NBAS: variants seen among roughly 807,000 people sequenced by gnomAD.
NBAS encodes the protein NBAS subunit of NRZ tethering complex.
A neutral mutation model predicts 302.5 loss-of-function variants in NBAS; 219 were observed. That is an observed-to-expected ratio of 0.72 (90% CI 0.65 to 0.81). The LOEUF is 0.81. Among genes scored for constraint, NBAS ranks in the 30% least tolerant of loss-of-function variants. The probability of loss-of-function intolerance (pLI) is 0.00; values close to 1 mark genes in which losing one functional copy is unlikely to be tolerated. For missense variants in NBAS, 2,932 were observed against 2,841.6 expected, an observed-to-expected ratio of 1.03 and a Z score of -0.72; for synonymous variants, 1,118 against 1,021.6, an observed-to-expected ratio of 1.09 and a Z score of -1.80.
At chr2:14,841,634 C>T in the NBAS span, among the ~76,000 whole-genome samples, 1 of 151,750 alleles carries the variant, frequency 6.6e-6, no homozygotes, top group East Asian at 1.9e-4. Context: ...GAGGATATAA[C>T]ATTATAAATC....
At chr2:15,129,668 T>A in the NBAS span, among the ~76,000 whole-genome samples, 7 of 152,160 alleles carry the variant, frequency 4.6e-5, no homozygotes, top group Admixed American at 3.3e-4. Context: ...CCCAAACTCT[T>A]TTTTACCACC....
the NBAS span, among the ~76,000 whole-genome samples, chr2:14,932,439 A>G: frequency 7.8e-4 from 119 of 152,362 alleles, no homozygotes; most frequent in Non-Finnish European, 1.4e-3. Context: ...CTTATTTTAT[A>G]GATGAGGACA....
At chr2:14,866,676 T>C in the NBAS span, among the ~76,000 whole-genome samples, 2 of 152,120 alleles carry the variant, frequency 1.3e-5, no homozygotes, top group African/African-American at 4.8e-5. Flanking sequence ...GATTAAAACA[T>C]AATGGTCAAA....
chr2:14,985,693 T>A, the NBAS span, among the ~76,000 whole-genome samples: 1 of 152,202 alleles, frequency 6.6e-6, no homozygotes, highest in South Asian at 2.1e-4. Context: ...TTGGTTTAAA[T>A]GTCTAGAAGC....
the NBAS span, among the ~76,000 whole-genome samples, chr2:15,104,118 G>C: frequency 6.0e-3 from 918 of 152,234 alleles, 11 homozygotes; most frequent in African/African-American, 0.021. Flanking sequence ...TACTGTTTTT[G>C]TGGTAGTGAA....
chr2:15,219,119 C>T (rs1666799180), intron 47 of NBAS, 151 bp from the exon 48 acceptor site: 1 of 754,022 alleles, frequency 1.3e-6, no homozygotes, highest in Non-Finnish European at 2.2e-6. Context: ...TTTTAAATGG[C>T]TTACAGCGAA....
chr2:14,877,858 G>A, the NBAS span, among the ~76,000 whole-genome samples: 4 of 152,102 alleles, frequency 2.6e-5, no homozygotes, highest in African/African-American at 4.8e-5. Flanking sequence ...GAGCTTTCTG[G>A]CTTTATATTT....
At chr2:15,525,230 C>G (rs745984358) in intron 9 of NBAS, among the ~76,000 whole-genome samples, 3 of 152,162 alleles carry the variant, frequency 2.0e-5, no homozygotes, top group Non-Finnish European at 4.4e-5. Flanking sequence ...TGCCAGGTAT[C>G]CCTGACAATG....
chr2:15,387,627 A>G (rs2148394510), intron 28 of NBAS, among the ~76,000 whole-genome samples: 1 of 126,962 alleles, frequency 7.9e-6, no homozygotes, highest in South Asian at 2.6e-4. Flanking sequence ...TAAGTCATTC[A>G]TCTGGAAATT....
intron 51 of NBAS, chr2:15,177,856 C>G (rs926945119): frequency 8.1e-6 from 2 of 246,180 alleles, no homozygotes; most frequent in Admixed American, 9.9e-5. Flanking sequence ...GGCCTTCGTT[C>G]TGATTAATTA....
chr2:15,169,826 T>C (rs1471717409), intron 51 of NBAS, among the ~76,000 whole-genome samples: 1 of 152,220 alleles, frequency 6.6e-6, no homozygotes, highest in Non-Finnish European at 1.5e-5. Flanking sequence ...ATTCTTTCAG[T>C]CTGTGTGGCT....
At chr2:15,155,902 G>A in the NBAS span, among the ~76,000 whole-genome samples, 1 of 152,278 alleles carries the variant, frequency 6.6e-6, no homozygotes, top group Admixed American at 6.5e-5. Flanking sequence ...TCATCACCGG[G>A]TGTTATTCGG....
At chr2:15,089,409 C>T in the NBAS span, among the ~76,000 whole-genome samples, 1 of 152,126 alleles carries the variant, frequency 6.6e-6, no homozygotes. Flanking sequence ...AGACTTGGGG[C>T]CCTATCCAAT....
At chr2:15,496,259 T>C (rs549971673) in intron 11 of NBAS, among the ~76,000 whole-genome samples, 1 of 152,266 alleles carries the variant, frequency 6.6e-6, no homozygotes, top group African/African-American at 2.4e-5. Context: ...ATTCTATTCA[T>C]ATAGAATGTC....
At chr2:15,171,287 G>A (rs921933166) in intron 51 of NBAS, among the ~76,000 whole-genome samples, 3 of 152,086 alleles carry the variant, frequency 2.0e-5, no homozygotes, top group African/African-American at 4.8e-5. Context: ...ACGGTAATTT[G>A]TATGTCATCC....
chr2:15,329,219 C>T lies in NBAS; in HGVS notation c.4348-907G>A, dbSNP rs548574921. On this transcript the variant is annotated intron_variant, in intron 36 of 51. Transcript: ENST00000281513. ...TTATGCCAAGCATAGTCTAGGGAAA[C>T]GATGAAGCTGCTGCTGCAAATGATA... Among the ~76,000 whole-genome samples the T allele has an allele frequency of 2.6e-5, 4 of 152,312 alleles. No homozygotes were observed. The East Asian group carries it at 5.8e-4, about 22-fold the overall frequency.
chr2:14,907,102 A>G, the NBAS span, among the ~76,000 whole-genome samples: 10 of 152,092 alleles, frequency 6.6e-5, no homozygotes, highest in African/African-American at 2.4e-4. Context: ...CTTCACCACT[A>G]TCTTTGGCCC....
the NBAS span, among the ~76,000 whole-genome samples, chr2:15,098,878 A>C: frequency 2.0e-5 from 3 of 151,350 alleles, no homozygotes; most frequent in South Asian, 6.2e-4. Context: ...TTAAATAGTG[A>C]TGACACAGAT....
At chr2:15,136,386 C>T in the NBAS span, among the ~76,000 whole-genome samples, 10 of 152,172 alleles carry the variant, frequency 6.6e-5, no homozygotes, top group African/African-American at 1.4e-4. Context: ...GTGGGCCACA[C>T]GGTCTCTGTT....
Sources: allele counts gnomAD v4.1 joint callset (sites outside exome capture counted in the v4.1 genomes callset), GRCh38; gene constraint gnomAD v4.1.1; transcripts MANE v1.5; gene names NCBI Gene and HGNC (gene_info 2026-07-23, HGNC 2026-07-21).